Variants in ARHGAP24 observed in about 807,000 individuals in gnomAD.
ARHGAP24 encodes rho GTPase-activating protein 24.
Under a neutral mutation model 76.4 loss-of-function variants are expected in ARHGAP24, and 50 were observed. The observed-to-expected ratio is 0.65, with a 90% CI of 0.52 to 0.83. The LOEUF is 0.83. Among genes scored for constraint, ARHGAP24 ranks in the 40% least tolerant of loss-of-function variants. ARHGAP24 has a pLI of 0.00. For synonymous variants in ARHGAP24, 345 were observed against 323.3 expected, an observed-to-expected ratio of 1.07 and a Z score of -0.72; for missense variants, 930 against 914.2, an observed-to-expected ratio of 1.02 and a Z score of -0.22.
chr4:85,483,299 AAGAT>A (rs1236521484), intron 1 of ARHGAP24, among the ~76,000 whole-genome samples: 1 of 152,182 alleles, frequency 6.6e-6, no homozygotes, highest in East Asian at 1.9e-4. Flanking sequence ...AGAATAGAAT[AAGAT>A]AGAATAGATG....
At chr4:85,530,344 C>T (rs1425199416) in intron 1 of ARHGAP24, among the ~76,000 whole-genome samples, 1 of 151,918 alleles carries the variant, frequency 6.6e-6, no homozygotes, top group Non-Finnish European at 1.5e-5. Context: ...ATCATCAGAA[C>T]TTCCCGTATC....
chr4:85,679,931 C>G (rs1409340456), intron 2 of ARHGAP24, among the ~76,000 whole-genome samples: 1 of 152,176 alleles, frequency 6.6e-6, no homozygotes, highest in Non-Finnish European at 1.5e-5. Flanking sequence ...TATATTGGTT[C>G]TACCCAACTG....
At chr4:85,602,000 A>G (rs1720042783) in intron 2 of ARHGAP24, among the ~76,000 whole-genome samples, 1 of 150,890 alleles carries the variant, frequency 6.6e-6, no homozygotes, top group Non-Finnish European at 1.5e-5. Flanking sequence ...TGCATAGGAA[A>G]AAGGACAGAG....
At chr4:85,810,355 T>G (rs950730399) in intron 3 of ARHGAP24, among the ~76,000 whole-genome samples, 3 of 152,210 alleles carry the variant, frequency 2.0e-5, no homozygotes, top group Non-Finnish European at 4.4e-5. Flanking sequence ...TAGGATGCTA[T>G]CCATTTTGTC....
chr4:85,518,366 A>C (rs888103389), intron 1 of ARHGAP24, among the ~76,000 whole-genome samples: 1 of 151,876 alleles, frequency 6.6e-6, no homozygotes, highest in Non-Finnish European at 1.5e-5. Context: ...AAAAAAATTT[A>C]TTTATTTATA....
intron 3 of ARHGAP24, among the ~76,000 whole-genome samples, chr4:85,795,829 A>C (rs912808310): frequency 6.6e-6 from 1 of 152,236 alleles, no homozygotes; most frequent in Non-Finnish European, 1.5e-5. Context: ...TTAAGGATAC[A>C]CAGCTTATTG....
chr4:85,619,485 T>C (rs757383555), intron 2 of ARHGAP24, among the ~76,000 whole-genome samples: 8 of 151,906 alleles, frequency 5.3e-5, no homozygotes, highest in Non-Finnish European at 1.0e-4. Flanking sequence ...AGGACTTTTT[T>C]TCTATTTCTG....
chr4:85,747,149 T>C (rs1034415216), intron 3 of ARHGAP24, among the ~76,000 whole-genome samples: 1 of 152,220 alleles, frequency 6.6e-6, no homozygotes, highest in Non-Finnish European at 1.5e-5. Flanking sequence ...TGGAGCAACA[T>C]GAGCAAAGCT....
At chr4:85,947,530 TG>T (rs976939520) in intron 5 of ARHGAP24, among the ~76,000 whole-genome samples, 6 of 152,186 alleles carry the variant, frequency 3.9e-5, no homozygotes, top group Non-Finnish European at 5.9e-5. Flanking sequence ...CATATGAATT[TG>T]GGGGAACACA....
At chr4:85,532,388 C>T (rs1262978623) in intron 1 of ARHGAP24, among the ~76,000 whole-genome samples, 1 of 152,078 alleles carries the variant, frequency 6.6e-6, no homozygotes, top group African/African-American at 2.4e-5. Flanking sequence ...GAATAATTAA[C>T]ACAAATACTC....
chr4:85,754,680 A>G (rs2110068731), intron 3 of ARHGAP24, among the ~76,000 whole-genome samples: 1 of 152,324 alleles, frequency 6.6e-6, no homozygotes, highest in Non-Finnish European at 1.5e-5. Context: ...AGGAATGTCT[A>G]AGTTTGGTTC....
chr4:85,906,749 T>C (rs1734787560), intron 3 of ARHGAP24, among the ~76,000 whole-genome samples: 1 of 152,162 alleles, frequency 6.6e-6, no homozygotes, highest in Non-Finnish European at 1.5e-5. Flanking sequence ...GCAGTGTAGT[T>C]ATTAGCATCA....
chr4:85,507,606 A>G (rs1271223731), intron 1 of ARHGAP24, among the ~76,000 whole-genome samples: 1 of 152,198 alleles, frequency 6.6e-6, no homozygotes, highest in Non-Finnish European at 1.5e-5. Context: ...TGTGGGTAGC[A>G]AAAGACCCTC....
At chr4:85,764,046 A>G (rs969257146) in intron 3 of ARHGAP24, among the ~76,000 whole-genome samples, 2 of 152,134 alleles carry the variant, frequency 1.3e-5, no homozygotes, top group African/African-American at 2.4e-5. Context: ...ATCTGTAAGA[A>G]AGTAGATTTT....
chr4:85,501,750 C>G (rs981478967), intron 1 of ARHGAP24, among the ~76,000 whole-genome samples: 2 of 152,092 alleles, frequency 1.3e-5, no homozygotes, highest in Admixed American at 1.3e-4. Flanking sequence ...TCTATTTTGG[C>G]TTTTGTCACT....
At chr4:85,666,714 G>T (rs989575040) in intron 2 of ARHGAP24, among the ~76,000 whole-genome samples, 3 of 152,128 alleles carry the variant, frequency 2.0e-5, no homozygotes, top group Admixed American at 6.6e-5. Flanking sequence ...CCTTTTAACA[G>T]ACAGGACCCT....
intron 1 of ARHGAP24, among the ~76,000 whole-genome samples, chr4:85,517,381 T>C (rs1038660217): frequency 2.1e-5 from 3 of 139,718 alleles, no homozygotes; most frequent in Non-Finnish European, 4.7e-5. Flanking sequence ...TATGACTCCT[T>C]GCCAAAAATA....
Position 85,651,920 on chromosome 4 carries a change from A to C in ARHGAP24, c.181-69965A>C, listed in dbSNP as rs116363914. On this transcript the variant is annotated intron_variant, in intron 2 of 9. Transcript: ENST00000395184. The stretch of plus-strand genomic sequence containing the variant: ...TAAAATAAGAACAGATGGGCTTAGA[A>C]GTATAAAAATTATTCAAAAATTTTT... 6.6e-3 allele frequency among the ~76,000 whole-genome samples: 1,004 copies of C among 152,280 alleles called. 8 individuals carry two copies. The highest frequency in any genetic ancestry group is 0.023 in the African/African-American group (960 of 41,576).
At chr4:85,645,666 A>T (rs1429686383) in intron 2 of ARHGAP24, among the ~76,000 whole-genome samples, 1 of 152,100 alleles carries the variant, frequency 6.6e-6, no homozygotes, top group Non-Finnish European at 1.5e-5. Context: ...ATTTCATTTT[A>T]ACCGTAAAAA....
Sources: gnomAD v4.1 joint callset for allele counts (sites outside exome capture counted in the v4.1 genomes callset) on GRCh38, gnomAD v4.1.1 for gene constraint, MANE v1.5 for transcripts, NCBI Gene and HGNC (gene_info 2026-07-23, HGNC 2026-07-21) for gene names.